The following SORCS2 variants were observed in gnomAD, a reference collection of about 807,000 sequenced individuals.
The protein encoded by SORCS2 is VPS10 domain-containing receptor SorCS2.
Under a neutral mutation model 141.6 loss-of-function variants are expected in SORCS2, and 100 were observed. The observed-to-expected ratio is 0.71, with a 90% CI of 0.60 to 0.83. The LOEUF (loss-of-function observed/expected upper bound fraction) is 0.83, where lower values mean the gene tolerates loss of function less well. Among genes scored for constraint, SORCS2 ranks in the 40% least tolerant of loss-of-function variants. The pLI is 0.00. For synonymous variants in SORCS2, 789 were observed against 676.9 expected (o/e 1.17, Z -2.57); for missense variants, 1,646 against 1,560.2 (o/e 1.05, Z -0.93).
intron 1 of SORCS2, among the ~76,000 whole-genome samples, chr4:7,222,499 G>C: frequency 6.9e-6 from 1 of 144,904 alleles, no homozygotes; most frequent in African/African-American, 2.6e-5. Flanking sequence ...GCATGGGGGT[G>C]GTAGCTAACG....
chr4:7,738,185 A>AG (rs1290633434), intron 26 of SORCS2, among the ~76,000 whole-genome samples: 2 of 152,172 alleles, frequency 1.3e-5, no homozygotes, highest in African/African-American at 2.4e-5. Context: ...TCTCTGGATG[A>AG]GGGGGGAAAC....
intron 3 of SORCS2, among the ~76,000 whole-genome samples, chr4:7,569,406 G>C (rs1715230751): frequency 6.6e-6 from 1 of 152,200 alleles, no homozygotes; most frequent in Non-Finnish European, 1.5e-5. Flanking sequence ...CAGCTACTTG[G>C]GAGGCTGGGG....
At chr4:7,734,520 G>C (rs1398798786) in intron 25 of SORCS2, 146 bp downstream of exon 25, 1 of 615,522 alleles carries the variant, frequency 1.6e-6, no homozygotes, top group Non-Finnish European at 2.7e-6. Context: ...ATGGGCTGCA[G>C]GGGGAGGTGC....
chr4:7,385,712 C>G (rs1723253914), intron 1 of SORCS2, among the ~76,000 whole-genome samples: 1 of 152,218 alleles, frequency 6.6e-6, no homozygotes, highest in South Asian at 2.1e-4. Flanking sequence ...TGGTGAGGGA[C>G]AGACGCCAGC....
chr4:7,572,912 G>A (rs1262123831), intron 3 of SORCS2, among the ~76,000 whole-genome samples: 5 of 152,112 alleles, frequency 3.3e-5, no homozygotes, highest in African/African-American at 7.2e-5. Flanking sequence ...TTTTATAAGC[G>A]ACGGACAACA....
At chr4:7,625,499 TAGA>T (rs1163377093) in intron 3 of SORCS2, among the ~76,000 whole-genome samples, 2 of 151,766 alleles carry the variant, frequency 1.3e-5, no homozygotes, top group Non-Finnish European at 2.9e-5. Flanking sequence ...CTCAACCCAC[TAGA>T]AGGAGTTCAA....
chr4:7,690,570 G>T (rs1316907435), intron 11 of SORCS2, among the ~76,000 whole-genome samples: 1 of 151,732 alleles, frequency 6.6e-6, no homozygotes, highest in South Asian at 2.1e-4. Flanking sequence ...TGGATGGGTG[G>T]TGGATAGGCA....
intron 8 of SORCS2, 66 bp from the exon 9 acceptor site, chr4:7,675,984 G>T: frequency 6.6e-7 from 1 of 1,524,050 alleles, no homozygotes; most frequent in Non-Finnish European, 8.9e-7. Context: ...TGTGCAGCCT[G>T]CTTCTTCCTC....
intron 1 of SORCS2, among the ~76,000 whole-genome samples, chr4:7,374,343 A>G (rs28680828): frequency 2.2e-4 from 34 of 152,228 alleles, no homozygotes; most frequent in African/African-American, 7.9e-4. Context: ...CTCCTCCCCC[A>G]TGTGAGAGAG....
chr4:7,405,971 G>A (rs1389348194), intron 2 of SORCS2, among the ~76,000 whole-genome samples: 1 of 151,990 alleles, frequency 6.6e-6, no homozygotes, highest in Non-Finnish European at 1.5e-5. Flanking sequence ...GTTGGCTGTG[G>A]GTTTGTTGTA....
chr4:7,372,537 A>C (rs1419927214), intron 1 of SORCS2, among the ~76,000 whole-genome samples: 1 of 152,072 alleles, frequency 6.6e-6, no homozygotes, highest in Non-Finnish European at 1.5e-5. Context: ...TGAACTCCTG[A>C]CCTCGGGTGA....
intron 13 of SORCS2, 22 bp downstream of exon 13, chr4:7,703,393 G>T: frequency 6.3e-7 from 1 of 1,594,822 alleles, no homozygotes; most frequent in African/African-American, 1.3e-5. Flanking sequence ...TGCTAGCCCC[G>T]GGGCAGGGAG....
chr4:7,359,808 G>A (rs1325764057), intron 1 of SORCS2, among the ~76,000 whole-genome samples: 3 of 152,156 alleles, frequency 2.0e-5, no homozygotes, highest in Non-Finnish European at 4.4e-5. Flanking sequence ...AATACATATG[G>A]GCCACTAAGA....
chr4:7,273,794 C>T (rs1351942235), intron 1 of SORCS2, among the ~76,000 whole-genome samples: 1 of 152,200 alleles, frequency 6.6e-6, no homozygotes, highest in Non-Finnish European at 1.5e-5. Context: ...CGTTGAACCT[C>T]AGTGTGCCCA....
chr4:7,280,094 C>G (rs937381396), intron 1 of SORCS2, among the ~76,000 whole-genome samples: 2 of 152,122 alleles, frequency 1.3e-5, no homozygotes, highest in Admixed American at 6.5e-5. Context: ...GGAATTCAGG[C>G]CTCTCTGTCT....
intron 26 of SORCS2, among the ~76,000 whole-genome samples, chr4:7,738,839 A>T (rs1712417005): frequency 6.6e-6 from 1 of 152,134 alleles, no homozygotes; most frequent in African/African-American, 2.4e-5. Flanking sequence ...GGGCAGCTGA[A>T]TGGACTGGCC....
intron 2 of SORCS2, among the ~76,000 whole-genome samples, chr4:7,441,044 T>C (rs1032217400): frequency 2.0e-5 from 3 of 151,982 alleles, no homozygotes; most frequent in Non-Finnish European, 4.4e-5. Context: ...TGTCGGTCCC[T>C]GGGAAGCAGG....
intron 1 of SORCS2, among the ~76,000 whole-genome samples, chr4:7,249,362 G>A (rs1349927500): frequency 6.6e-6 from 1 of 152,180 alleles, no homozygotes; most frequent in East Asian, 1.9e-4. Flanking sequence ...TGTTCCAAGA[G>A]TGGAAGTGGA....
At chr4:7,358,644 A>G (rs1343092249) in intron 1 of SORCS2, among the ~76,000 whole-genome samples, 1 of 152,234 alleles carries the variant, frequency 6.6e-6, no homozygotes, top group Non-Finnish European at 1.5e-5. Flanking sequence ...GTTAAGTCAC[A>G]GATGCGGATC....
Sources: gnomAD v4.1 joint callset for allele counts (sites outside exome capture counted in the v4.1 genomes callset) on GRCh38, gnomAD v4.1.1 for gene constraint, MANE v1.5 for transcripts, NCBI Gene and HGNC (gene_info 2026-07-23, HGNC 2026-07-21) for gene names.